VRK3: variants seen among roughly 807,000 people sequenced by gnomAD.
The protein encoded by VRK3 is VRK serine/threonine kinase 3.
A neutral mutation model predicts 60.4 loss-of-function variants in VRK3; 50 were observed. The observed-to-expected ratio is 0.83, with a 90% CI of 0.66 to 1.05. VRK3 has a LOEUF of 1.05. Among genes scored for constraint, VRK3 ranks in the 50% least tolerant of loss-of-function variants. VRK3 has a pLI of 0.00. For synonymous variants in VRK3, 246 were observed against 227.8 expected (o/e 1.08, Z -0.72); for missense variants, 549 against 585.3 (o/e 0.94, Z 0.64).
chr19:49,984,043 A>G (rs1207753372), intron 12 of VRK3, among the ~76,000 whole-genome samples: 3 of 152,184 alleles, frequency 2.0e-5, no homozygotes, highest in East Asian at 3.9e-4. Flanking sequence ...CTCACCCTGC[A>G]CCATGTTGGC....
intron 10 of VRK3, among the ~76,000 whole-genome samples, chr19:49,990,203 G>A (rs967389024): frequency 2.5e-4 from 38 of 152,210 alleles, no homozygotes; most frequent in African/African-American, 9.2e-4. Context: ...AACTCAGCCC[G>A]CTGGTGGCGG....
At chr19:50,011,528 A>G (rs906118141) in intron 3 of VRK3, among the ~76,000 whole-genome samples, 1 of 152,172 alleles carries the variant, frequency 6.6e-6, no homozygotes, top group Non-Finnish European at 1.5e-5. Flanking sequence ...CCAAAATGCA[A>G]AGCCTATTGT....
In VRK3 at chr19:50,007,339, G is replaced by A. The variant is rs540239337; in HGVS notation, c.547+230C>T. On this transcript the variant is annotated intron_variant, in intron 5 of 14. Transcript: ENST00000316763. ...CACACAGGGCACATGCCAACTGGCC[G>A]CAGTCCCCGCCACTCCCAACTGCCT... is the stretch of plus-strand genomic sequence containing the variant. Among the ~76,000 whole-genome samples the A allele has an allele frequency of 6.2e-4, 95 of 152,144 alleles. 3 individuals are homozygous for A. The East Asian group carries it at 0.016, about 25-fold the overall frequency.
At chr19:49,980,348 T>C (rs1468660994) in intron 13 of VRK3, among the ~76,000 whole-genome samples, 3 of 152,082 alleles carry the variant, frequency 2.0e-5, no homozygotes, top group African/African-American at 7.2e-5. Context: ...AGGAAGGGCA[T>C]GAAGGATGGC....
intron 3 of VRK3, among the ~76,000 whole-genome samples, chr19:50,010,123 A>T (rs1177733401): frequency 6.6e-6 from 1 of 152,078 alleles, no homozygotes; most frequent in Non-Finnish European, 1.5e-5. Flanking sequence ...ACATACACAT[A>T]TATACATATA....
rs1429141817 is a variant in VRK3, at chr19:49,989,697, G to C, written c.1038C>G (p.Ser346Arg). The C allele has an allele frequency of 6.2e-7, 1 of 1,613,910 alleles. No homozygotes were observed. The highest frequency in any genetic ancestry group is 1.7e-5 in the Admixed American group (1 of 59,998). ...CAAGGTCCCCCTCGTGAGGGCTCCT[G>C]CTGCCTTCCACGTAGGCCACGTGTT... is the stretch of plus-strand genomic sequence containing the variant. ...SGKHVAYVEG[S>R]RSPHEGDLEF... The change falls in exon 11 of 15, where the codon AGC becomes AGG. Residue 346 changes from serine to arginine, a missense_variant. Transcript: ENST00000316763.
intron 6 of VRK3, chr19:49,998,029 A>T (rs1282049391): frequency 6.5e-6 from 1 of 152,978 alleles, no homozygotes; most frequent in Non-Finnish European, 1.5e-5. Context: ...GGCCCAGGAG[A>T]TGCAGGTTAT....
At chr19:49,978,679 G>C (rs1364360745) in intron 14 of VRK3, 1 of 164,466 alleles carries the variant, frequency 6.1e-6, no homozygotes, top group Non-Finnish European at 1.3e-5. Context: ...GCGCCAAGGG[G>C]GCCAGGCCAA....
intron 6 of VRK3, chr19:49,999,211 C>A (rs1014131798): frequency 6.6e-6 from 1 of 152,260 alleles, no homozygotes; most frequent in South Asian, 2.1e-4. Flanking sequence ...TAAGCAGGTG[C>A]TGCTACTGGT....
rs1177255134 is a variant in VRK3, at chr19:50,007,632, T to C, written c.484A>G (p.Ser162Gly). Residue 162 changes from serine to glycine, a missense_variant, in exon 5 of 15, where the codon AGT becomes GGT. By Grantham distance (56) the Ser-to-Gly change is moderately conservative. Coordinates refer to ENST00000316763, the MANE Select transcript of VRK3 (RefSeq NM_016440.4). ...LPTGTVLTDK[S>G]GRQWKLKSFQ... ...GACTTCAGCTTCCACTGTCGCCCAC[T>C]CTTGTCTGTCAGCACTGTCCCTGTG... 2 of 1,614,042 alleles carry C rather than the reference T, an allele frequency of 1.2e-6. No homozygotes were observed. The highest frequency in any genetic ancestry group is 1.7e-6 in the Non-Finnish European group (2 of 1,180,032).
At position 49,997,264 on chromosome 19, in the gene VRK3, C is replaced by T. The variant is rs575251866; in HGVS notation, c.679+240G>A. The T allele has an allele frequency of 5.0e-4, 211 of 421,346 alleles. 2 individuals carry two copies. The highest frequency in any genetic ancestry group is 8.2e-4 in the Non-Finnish European group (190 of 231,806). The allele number at this position is 421,346 out of a possible 1,614,324, so 26.1% of individuals were successfully genotyped here. A position where few individuals can be genotyped will look rare whatever the true frequency, so the allele number is the denominator to read the frequency against. ...CCTCCCAAAGTGCTGGGAGTATAGG[C>T]GTCAACCCACGCCCAGCCTGAAAAT... On this transcript the variant is annotated intron_variant, in intron 7 of 14. Coordinates refer to ENST00000316763, the MANE Select transcript of VRK3 (RefSeq NM_016440.4).
At chr19:49,978,408 A>C (rs1004811748) in intron 14 of VRK3, among the ~76,000 whole-genome samples, 4 of 152,194 alleles carry the variant, frequency 2.6e-5, no homozygotes, top group African/African-American at 9.7e-5. Flanking sequence ...CCTTGTAAAA[A>C]TTCCTGCACG....
At chr19:50,014,467 G>C (rs866650969) in intron 3 of VRK3, among the ~76,000 whole-genome samples, 1 of 152,038 alleles carries the variant, frequency 6.6e-6, no homozygotes, top group Non-Finnish European at 1.5e-5. Context: ...GCTGAGGCAG[G>C]AGAATTGCTT....
At chr19:50,015,038 C>T (rs557477759) in intron 3 of VRK3, among the ~76,000 whole-genome samples, 6 of 151,886 alleles carry the variant, frequency 4.0e-5, no homozygotes, top group African/African-American at 4.8e-5. Flanking sequence ...TCACGGGGTG[C>T]GAGACAAAGA....
At chr19:50,000,484 C>T in intron 6 of VRK3, 1 of 439,966 alleles carries the variant, frequency 2.3e-6, no homozygotes, top group Non-Finnish European at 4.2e-6. Context: ...TGGGCCACAC[C>T]CTGTGGGTAT....
chr19:50,008,682 C>G (rs898915433), intron 4 of VRK3: 1 of 153,468 alleles, frequency 6.5e-6, no homozygotes, highest in Non-Finnish European at 1.4e-5. Context: ...GACTGACATG[C>G]GCTCCAATGA....
intron 11 of VRK3, among the ~76,000 whole-genome samples, chr19:49,988,804 C>A (rs1443972805): frequency 6.6e-6 from 1 of 152,156 alleles, no homozygotes; most frequent in Non-Finnish European, 1.5e-5. Context: ...TTCTGAAAAC[C>A]CAGACCAGGA....
chr19:49,992,956 G>C lies in VRK3; in HGVS notation c.871-4C>G. 6.2e-7 allele frequency: 1 copy of C among 1,610,800 alleles called. No individual in the cohort carries two copies. On this transcript the variant is annotated splice_polypyrimidine_tract_variant and splice_region_variant and intron_variant, in intron 9 of 14. Transcript: ENST00000316763. ...GGAGGAACTCCAGGGCATCCAGCTGGGGGAAGAAGCAAGTCAGTGTCTGCA... is the reference window on the plus strand; with the variant it reads ...GGAGGAACTCCAGGGCATCCAGCTGCGGGAAGAAGCAAGTCAGTGTCTGCA...
At chr19:49,993,989 C>T (rs2076657065) in intron 9 of VRK3, among the ~76,000 whole-genome samples, 1 of 152,076 alleles carries the variant, frequency 6.6e-6, no homozygotes, top group Non-Finnish European at 1.5e-5. Context: ...CTCTCCAGTG[C>T]CCTCAAGACA....
Sources: gnomAD v4.1 joint callset for allele counts (sites outside exome capture counted in the v4.1 genomes callset) on GRCh38, gnomAD v4.1.1 for gene constraint, MANE v1.5 for transcripts, NCBI Gene and HGNC (gene_info 2026-07-23, HGNC 2026-07-21) for gene names.